The following RIT2 variants were observed in gnomAD, a reference collection of about 807,000 sequenced individuals.
RIT2 encodes the protein GTP-binding protein Rit2.
A neutral mutation model predicts 23.7 loss-of-function variants in RIT2; 24 were observed. The ratio of observed to expected loss-of-function variants is 1.01; its 90% CI spans 0.73 to 1.43. The LOEUF is 1.43. Ranked by LOEUF, RIT2 falls within the 40% of genes most tolerant of loss-of-function variation. The pLI is 0.00. For synonymous variants in RIT2, 107 were observed against 91.1 expected (o/e 1.17, Z -0.99); for missense variants, 236 against 266.9 (o/e 0.88, Z 0.81).
At chr18:42,991,717 G>C (rs1910853511) in intron 2 of RIT2, among the ~76,000 whole-genome samples, 1 of 151,806 alleles carries the variant, frequency 6.6e-6, no homozygotes, top group South Asian at 2.1e-4. Flanking sequence ...CCTTCTCCTG[G>C]CTCATCCTGA....
chr18:42,864,951 T>C (rs1379381285), intron 4 of RIT2, among the ~76,000 whole-genome samples: 4 of 152,180 alleles, frequency 2.6e-5, no homozygotes, highest in African/African-American at 9.7e-5. Flanking sequence ...ACTTACTAAA[T>C]GGACATTCAG....
In RIT2 at chr18:42,795,680, C is replaced by T. The variant is rs1905329188; in HGVS notation, c.427-51960G>A. Reference sequence around the variant, plus strand: ...CGGGTGCGGGATCCACTGGGTGAAGCCAGCTGGGGTCCTGAGTCTGTTGGG... The same window carrying T: ...CGGGTGCGGGATCCACTGGGTGAAGTCAGCTGGGGTCCTGAGTCTGTTGGG... On this transcript the variant is annotated intron_variant, in intron 4 of 4. Coordinates refer to ENST00000326695, the MANE Select transcript of RIT2 (RefSeq NM_002930.4). 2.6e-5 allele frequency among the ~76,000 whole-genome samples: 4 copies of T among 152,252 alleles called. No homozygotes were observed. The East Asian group carries it at 5.8e-4, about 22-fold the overall frequency.
At chr18:43,058,087 A>G (rs944214450) in intron 1 of RIT2, among the ~76,000 whole-genome samples, 14 of 152,166 alleles carry the variant, frequency 9.2e-5, no homozygotes, top group Admixed American at 2.6e-4. Flanking sequence ...AGATAGAATG[A>G]ACTGAGTAGT....
intron 3 of RIT2, among the ~76,000 whole-genome samples, chr18:42,965,629 T>G (rs184666465): frequency 6.7e-6 from 1 of 150,126 alleles, no homozygotes; most frequent in Non-Finnish European, 1.5e-5. Context: ...AAGAAAAAAC[T>G]TTTTGTGCAA....
chr18:43,098,735 G>T (rs184165453), intron 1 of RIT2, among the ~76,000 whole-genome samples: 1 of 151,998 alleles, frequency 6.6e-6, no homozygotes, highest in Non-Finnish European at 1.5e-5. Context: ...GAAGGCCACT[G>T]TACTATCAAC....
At chr18:42,800,036 A>C (rs1905480957) in intron 4 of RIT2, among the ~76,000 whole-genome samples, 1 of 152,234 alleles carries the variant, frequency 6.6e-6, no homozygotes, top group Non-Finnish European at 1.5e-5. Context: ...TTCCTGTCTT[A>C]GACACCACTA....
Position 43,081,391 on chromosome 18 carries a change from T to C in RIT2, c.103+34026A>G, listed in dbSNP as rs533417261. The stretch of plus-strand genomic sequence containing the variant: ...TATGGTTAATATTTATTGGCAACCA[T>C]GCATTCTATCAATCAATCCATCTCA... On this transcript the variant is annotated intron_variant, in intron 1 of 4. Coordinates refer to ENST00000326695, the MANE Select transcript of RIT2 (RefSeq NM_002930.4). 5.3e-5 allele frequency among the ~76,000 whole-genome samples: 8 copies of C among 152,280 alleles called. No homozygotes were observed. In the South Asian group the frequency reaches 8.3e-4, roughly 16 times the overall value.
At chr18:42,824,799 G>A (rs944444852) in intron 4 of RIT2, among the ~76,000 whole-genome samples, 2 of 151,070 alleles carry the variant, frequency 1.3e-5, no homozygotes, top group African/African-American at 2.4e-5. Flanking sequence ...AATTATGAGA[G>A]AAAAAAACTA....
At chr18:42,882,972 G>T (rs757871739) in intron 4 of RIT2, among the ~76,000 whole-genome samples, 1 of 152,032 alleles carries the variant, frequency 6.6e-6, no homozygotes, top group Non-Finnish European at 1.5e-5. Context: ...TTATACATTT[G>T]TATATATTAT....
chr18:43,000,427 T>C (rs1028167327), intron 2 of RIT2, among the ~76,000 whole-genome samples: 1 of 152,086 alleles, frequency 6.6e-6, no homozygotes, highest in Non-Finnish European at 1.5e-5. Context: ...GGGAGATCGA[T>C]ACAATTTTCA....
intron 4 of RIT2, among the ~76,000 whole-genome samples, chr18:42,753,366 A>C (rs1422121712): frequency 6.6e-6 from 1 of 152,174 alleles, no homozygotes; most frequent in Non-Finnish European, 1.5e-5. Flanking sequence ...CTAGCAACAC[A>C]AAAGGAAACT....
At chr18:42,989,083 G>T (rs1429931136) in intron 2 of RIT2, among the ~76,000 whole-genome samples, 1 of 152,184 alleles carries the variant, frequency 6.6e-6, no homozygotes, top group East Asian at 1.9e-4. Flanking sequence ...GACATAATGT[G>T]TGGAATTCTA....
At chr18:42,925,003 GCAAT>G (rs1449841899) in intron 3 of RIT2, among the ~76,000 whole-genome samples, 1 of 151,984 alleles carries the variant, frequency 6.6e-6, no homozygotes, top group African/African-American at 2.4e-5. Flanking sequence ...TCGGTTTCAA[GCAAT>G]CATTTCTAAG....
Position 42,982,874 on chromosome 18 carries a change from G to A in RIT2, c.161-8727C>T, listed in dbSNP as rs933763455. On this transcript the variant is annotated intron_variant, in intron 2 of 4. Transcript: ENST00000326695. Reference sequence around the variant, plus strand: ...TAAATATTATTTTTATAGATTGGAAGACAGCATAATAAAGATGTTCATTCT... The same window carrying A: ...TAAATATTATTTTTATAGATTGGAAAACAGCATAATAAAGATGTTCATTCT... Among the ~76,000 whole-genome samples the A allele has an allele frequency of 5.7e-4, 86 of 152,086 alleles. 1 individual carries two copies. Among genetic ancestry groups the A allele is most frequent in the Admixed American group, 9.2e-4 (14 of 15,264 alleles).
intron 2 of RIT2, among the ~76,000 whole-genome samples, chr18:43,010,206 T>C (rs556437223): frequency 6.6e-6 from 1 of 151,818 alleles, no homozygotes; most frequent in Non-Finnish European, 1.5e-5. Flanking sequence ...AAGAAAACAC[T>C]GCAGGTTTGT....
intron 2 of RIT2, among the ~76,000 whole-genome samples, chr18:42,993,435 G>A (rs377023161): frequency 1.7e-4 from 26 of 152,044 alleles, no homozygotes; most frequent in South Asian, 2.1e-4. Context: ...AGGTAAGTCC[G>A]TCCCCTTCTA....
intron 4 of RIT2, among the ~76,000 whole-genome samples, chr18:42,903,966 A>C (rs549726324): frequency 6.6e-6 from 1 of 152,286 alleles, no homozygotes; most frequent in African/African-American, 2.4e-5. Flanking sequence ...CAAGAATTTA[A>C]AAGACAATAA....
At chr18:42,997,044 C>G (rs9946897) in intron 2 of RIT2, among the ~76,000 whole-genome samples, 1 of 152,044 alleles carries the variant, frequency 6.6e-6, no homozygotes, top group Non-Finnish European at 1.5e-5. Context: ...TCTCCATTTA[C>G]CTTTTCACCA....
At chr18:43,058,822 G>A (rs370722613) in intron 1 of RIT2, among the ~76,000 whole-genome samples, 4 of 152,178 alleles carry the variant, frequency 2.6e-5, no homozygotes, top group South Asian at 2.1e-4. Flanking sequence ...CTGGGAGGTC[G>A]AGACTGCAGT....
Sources: gnomAD v4.1 joint callset for allele counts (sites outside exome capture counted in the v4.1 genomes callset) on GRCh38, gnomAD v4.1.1 for gene constraint, MANE v1.5 for transcripts, NCBI Gene and HGNC (gene_info 2026-07-23, HGNC 2026-07-21) for gene names.